The following BPTF variants were observed in gnomAD, a reference collection of about 807,000 sequenced individuals.
BPTF encodes bromodomain PHD finger transcription factor, also known as nucleosome-remodeling factor subunit BPTF.
A neutral mutation model predicts 292.5 loss-of-function variants in BPTF; 18 were observed. The observed-to-expected ratio is 0.06, with a 90% CI of 0.04 to 0.09. BPTF has a LOEUF of 0.09. Among genes scored for constraint, BPTF ranks in the 10% least tolerant of loss-of-function variants. The pLI, the probability that BPTF is intolerant of heterozygous loss-of-function variation, is 1.00. For missense variants in BPTF, 2,726 were observed against 3,498.7 expected (o/e 0.78, Z 5.57); for synonymous variants, 1,225 against 1,251.9 (o/e 0.98, Z 0.45).
chr17:67,900,440 C>T (rs2061753955), intron 7 of BPTF, among the ~76,000 whole-genome samples: 1 of 151,760 alleles, frequency 6.6e-6, no homozygotes, highest in Non-Finnish European at 1.5e-5. Context: ...CTGTGTAAAG[C>T]AATCTTTAGG....
intron 8 of BPTF, among the ~76,000 whole-genome samples, chr17:67,904,186 G>A (rs1281322345): frequency 1.3e-5 from 2 of 152,048 alleles, no homozygotes; most frequent in African/African-American, 4.8e-5. Context: ...GCACCACCAC[G>A]CCTGGCTAAT....
chr17:67,938,879 A>G (rs2065138728), intron 18 of BPTF, among the ~76,000 whole-genome samples: 1 of 152,230 alleles, frequency 6.6e-6, no homozygotes, highest in Admixed American at 6.5e-5. Flanking sequence ...TGGAGAGTGA[A>G]TTCACAAATG....
chr17:67,978,030 T>C (rs1309380365), intron 27 of BPTF: 1 of 150,102 alleles, frequency 6.7e-6, no homozygotes, highest in Non-Finnish European at 1.5e-5. Flanking sequence ...AATTTTGTAT[T>C]TTTAGTAGAG....
In BPTF at chr17:67,826,015, C is replaced by T. The variant is rs1004905807; in HGVS notation, c.291C>T (p.Gly97=). 1.2e-5 allele frequency: 7 copies of T among 599,014 alleles called. No homozygotes were observed. The South Asian group carries it at 4.0e-4, about 34-fold the overall frequency. 37.1% of individuals were successfully genotyped at this position (599,014 alleles called of 1,614,324 possible). Residue 97 remains glycine, a synonymous_variant, in exon 1 of 28, where the codon GGC becomes GGT. Transcript: ENST00000306378. The part of the protein sequence containing the change: ...TSAPGRGGRG[G]GGGRTGGGGG... ...CCCCGGGCCGGGGGGGGCGAGGAGGCGGGGGCGGCAGGACGGGGGGCGGGG... is the reference window on the plus strand; with the variant it reads ...CCCCGGGCCGGGGGGGGCGAGGAGGTGGGGGCGGCAGGACGGGGGGCGGGG...
At position 67,940,676 on chromosome 17, in the gene BPTF, T is replaced by G; in HGVS notation, c.6477+20T>G. On this transcript the variant is annotated intron_variant, in intron 19 of 27. Coordinates refer to ENST00000306378, the MANE Select transcript of BPTF (RefSeq NM_182641.4). ...GGCCACGTAAGTAACATAAGCTTTA[T>G]TTTAACTTTAGAGGTGATCTTATTT... 6.9e-6 allele frequency: 11 copies of G among 1,599,408 alleles called. No individual in the cohort carries two copies. The highest frequency in any genetic ancestry group is 9.4e-6 in the Non-Finnish European group (11 of 1,167,004).
At chr17:67,923,189 A>C (rs1431253123) in intron 14 of BPTF, among the ~76,000 whole-genome samples, 199 bp downstream of exon 14, 1 of 150,318 alleles carries the variant, frequency 6.7e-6, no homozygotes, top group Non-Finnish European at 1.5e-5. Flanking sequence ...CCCGGTACCT[A>C]GGACTACAGG....
intron 2 of BPTF, among the ~76,000 whole-genome samples, chr17:67,860,167 T>G (rs1260000736): frequency 6.6e-6 from 1 of 152,220 alleles, no homozygotes; most frequent in East Asian, 1.9e-4. Flanking sequence ...ATATTTTGAG[T>G]ATTTTTCTAT....
chr17:67,945,016 A>G (rs889110375), intron 20 of BPTF, among the ~76,000 whole-genome samples: 1 of 152,076 alleles, frequency 6.6e-6, no homozygotes, highest in African/African-American at 2.4e-5. Flanking sequence ...GTACCAAAAT[A>G]CAAAATTCTC....
chr17:67,917,131 C>CTGTTTTTTTTTTTT (rs2063069159), intron 11 of BPTF, among the ~76,000 whole-genome samples: 1 of 105,808 alleles, frequency 9.5e-6, no homozygotes, highest in South Asian at 3.0e-4. Flanking sequence ...TGGTATTGTC[C>CTGTTTTTTTTTTTT]TTTTTTTTTT....
chr17:67,907,672 T>C (rs1180525466), intron 9 of BPTF, among the ~76,000 whole-genome samples: 4 of 152,152 alleles, frequency 2.6e-5, no homozygotes, highest in Non-Finnish European at 4.4e-5. Flanking sequence ...TATCACTCTT[T>C]GTTTAGTTGT....
chr17:67,970,054 C>T (rs1279195082), intron 26 of BPTF, among the ~76,000 whole-genome samples: 10 of 151,976 alleles, frequency 6.6e-5, no homozygotes, highest in African/African-American at 2.2e-4. Flanking sequence ...ACCAACATGG[C>T]GAAACCCTGT....
At chr17:67,915,738 C>T (rs536200843) in intron 11 of BPTF, among the ~76,000 whole-genome samples, 4 of 151,848 alleles carry the variant, frequency 2.6e-5, no homozygotes, top group Admixed American at 6.6e-5. Context: ...TCCTCATTCC[C>T]GAGCCAACTC....
At chr17:67,949,858 C>G (rs545293126) in intron 23 of BPTF, among the ~76,000 whole-genome samples, 3 of 148,960 alleles carry the variant, frequency 2.0e-5, no homozygotes, top group Admixed American at 2.0e-4. Flanking sequence ...AGTTCAAGAC[C>G]AGCCTGGCTA....
chr17:67,863,208 T>C (rs1428037871), intron 2 of BPTF, among the ~76,000 whole-genome samples: 1 of 152,238 alleles, frequency 6.6e-6, no homozygotes, highest in East Asian at 1.9e-4. Flanking sequence ...GTCTCCTAGC[T>C]TCTGGCAGTC....
intron 23 of BPTF, among the ~76,000 whole-genome samples, chr17:67,949,696 T>C (rs965581439): frequency 6.6e-6 from 1 of 151,842 alleles, no homozygotes; most frequent in African/African-American, 2.4e-5. Context: ...TACATATATA[T>C]ATACACACAT....
chr17:67,853,824 TG>T lies in BPTF; in HGVS notation c.614-115del, dbSNP rs2058551850. On this transcript the variant is annotated intron_variant, in intron 1 of 27. Transcript: ENST00000306378. ...ATTGCTTCTTCGTATTATTTTAACTTGACAATTATTAAAGAAATGTACTTAT... is the reference window on the plus strand; with the variant it reads ...ATTGCTTCTTCGTATTATTTTAACTTACAATTATTAAAGAAATGTACTTAT... 7 of 780,186 alleles carry T rather than the reference TG, an allele frequency of 9.0e-6. No individual in the cohort carries two copies. The South Asian group carries it at 1.5e-4, about 16-fold the overall frequency. The allele number at this position is 780,186 out of a possible 1,614,324, so 48.3% of individuals were successfully genotyped here.
At chr17:67,870,766 C>CTTT (rs11418428) in intron 3 of BPTF, among the ~76,000 whole-genome samples, 3,718 of 106,212 alleles carry the variant, frequency 0.035, 366 homozygotes, top group African/African-American at 0.096. Context: ...TGCTTCATTT[C>CTTT]TTTTTTTTTT....
At chr17:67,963,329 T>G (rs1555685016) in intron 24 of BPTF, 3 of 1,527,628 alleles carry the variant, frequency 2.0e-6, no homozygotes, top group Non-Finnish European at 2.6e-6. Flanking sequence ...GTGAATACTT[T>G]TAGGTTCTAT....
intron 15 of BPTF, among the ~76,000 whole-genome samples, chr17:67,925,345 G>T (rs1228178427): frequency 1.3e-4 from 19 of 151,972 alleles, no homozygotes. Flanking sequence ...GCTACTGATG[G>T]TTTCTTAGTG....
Sources: gnomAD v4.1 joint callset for allele counts (sites outside exome capture counted in the v4.1 genomes callset) on GRCh38, gnomAD v4.1.1 for gene constraint, MANE v1.5 for transcripts, NCBI Gene and HGNC (gene_info 2026-07-23, HGNC 2026-07-21) for gene names.